The following SCGB3A1 variants were observed in gnomAD, a reference collection of about 807,000 sequenced individuals.
SCGB3A1 encodes secretoglobin family 3A member 1.
A neutral mutation model predicts 7.6 loss-of-function variants in SCGB3A1; 7 were observed. That is an observed-to-expected ratio of 0.93 (90% CI 0.53 to 1.74). The LOEUF is 1.74. Ranked by LOEUF, SCGB3A1 falls within the 40% of genes most tolerant of loss-of-function variation. The pLI is 0.00. For synonymous variants in SCGB3A1, 67 were observed against 66.6 expected (o/e 1.01, Z -0.03); for missense variants, 119 against 129.0 (o/e 0.92, Z 0.38).
chr5:180,590,311 G>T, intron 2 of SCGB3A1, 57 bp from the exon 3 acceptor site: 16 of 1,554,600 alleles, frequency 1.0e-5, no homozygotes, highest in Non-Finnish European at 1.4e-5. Context: ...GAACTCAGGC[G>T]GGGGCGCGGC....
At chr5:180,590,896 C>G in intron 1 of SCGB3A1, 58 bp from the exon 2 acceptor site, 1 of 1,300,902 alleles carries the variant, frequency 7.7e-7, no homozygotes, top group Non-Finnish European at 1.1e-6. Context: ...GAAGGCAGGT[C>G]CAGGACGCGC....
At chr5:180,591,173 G>C (rs1299608426) in intron 1 of SCGB3A1, 1 of 408,312 alleles carries the variant, frequency 2.4e-6, no homozygotes, top group African/African-American at 2.1e-5. Context: ...TCCAGACGGG[G>C]GGCAGACGGG....
Position 180,590,816 on chromosome 5 carries a change from C to A in SCGB3A1, c.75G>T (p.Ser25=), listed in dbSNP as rs757017012. The A allele has an allele frequency of 1.2e-6, 2 of 1,602,418 alleles. No homozygotes were observed. The highest frequency in any genetic ancestry group is 1.7e-6 in the Non-Finnish European group (2 of 1,175,002). The change falls in exon 2 of 3, where the codon TCG becomes TCT. Residue 25 remains serine, a synonymous_variant. Coordinates refer to ENST00000292641, the MANE Select transcript of SCGB3A1 (RefSeq NM_052863.3). ...CSSAAAFLVG[S]AKPVAQPVAA... ...CGACAGGCTGGGCCACAGGCTTGGC[C>A]GAGCCCACTAAGAAAGCAGCAGCTG...
chr5:180,591,155 A>T, intron 1 of SCGB3A1: 3 of 408,342 alleles, frequency 7.3e-6, no homozygotes, highest in Non-Finnish European at 8.5e-6. Context: ...CAGGATGAGG[A>T]GCCGGTCTCC....
At chr5:180,591,299 G>C (rs149953239) in intron 1 of SCGB3A1, 112 bp downstream of exon 1, 15,970 of 932,030 alleles carry the variant, frequency 0.017, 200 homozygotes, top group South Asian at 0.074. Flanking sequence ...TCTGGGCGCC[G>C]GGCGAGGCTG....
chr5:180,591,297 C>A, intron 1 of SCGB3A1, 114 bp downstream of exon 1: 1 of 920,086 alleles, frequency 1.1e-6, no homozygotes, highest in Non-Finnish European at 1.4e-6. Flanking sequence ...CCTCTGGGCG[C>A]CGGGCGAGGC....
chr5:180,591,469 G>C lies in SCGB3A1; in HGVS notation c.-7C>G, dbSNP rs1416049186. On this transcript the variant is annotated 5_prime_UTR_variant, in exon 1 of 3. Coordinates refer to ENST00000292641, the MANE Select transcript of SCGB3A1 (RefSeq NM_052863.3). ...GGAGGGCGGCGAGCTTCATGGCGCGGGGGCTCGGGGCGCGCGGGGAACCTG... is the reference window on the plus strand; with the variant it reads ...GGAGGGCGGCGAGCTTCATGGCGCGCGGGCTCGGGGCGCGCGGGGAACCTG... The C allele has an allele frequency of 8.1e-7, 1 of 1,228,312 alleles. No individual in the cohort carries two copies. Among genetic ancestry groups the C allele is most frequent in the Non-Finnish European group, 1.0e-6 (1 of 985,808 alleles). The allele number at this position is 1,228,312 out of a possible 1,614,324, so 76.1% of individuals were successfully genotyped here.
rs1403231443 is a variant in SCGB3A1, at chr5:180,590,514, T to A, written c.291+86A>T. On this transcript the variant is annotated intron_variant, in intron 2 of 2. Coordinates refer to ENST00000292641, the MANE Select transcript of SCGB3A1 (RefSeq NM_052863.3). ...GGCAGGACGGGAAACAGCCCTGACG[T>A]AGGGCCGGGACACCTCTGGTGCAGT... The A allele has an allele frequency of 8.0e-6, 9 of 1,130,576 alleles. No homozygotes were observed. In the Admixed American group the frequency reaches 1.6e-4, roughly 20 times the overall value. 70.0% of individuals were successfully genotyped at this position (1,130,576 alleles called of 1,614,324 possible). A position where few individuals can be genotyped will look rare whatever the true frequency, so the allele number is the denominator to read the frequency against.
chr5:180,591,133 C>T (rs1761307489), intron 1 of SCGB3A1: 2 of 421,438 alleles, frequency 4.7e-6, no homozygotes, highest in Non-Finnish European at 8.3e-6. Context: ...GGGACACTCG[C>T]GCTGCGCCTT....
At chr5:180,590,323 G>A in intron 2 of SCGB3A1, 69 bp from the exon 3 acceptor site, 1 of 1,546,878 alleles carries the variant, frequency 6.5e-7, no homozygotes, top group Non-Finnish European at 8.8e-7. Flanking sequence ...GGGCGCGGCA[G>A]CGGCCGGCTC....
At position 180,591,411 on chromosome 5, in the gene SCGB3A1, C is replaced by T. The variant is rs1761313627; in HGVS notation, c.52G>A (p.Ala18Thr). The part of the protein sequence containing the change: ...GLCVALSCSS[A>T]AAFLVGSAKP... ...CGCGCCAGGAGCCCGGGGCGCTCAC[C>T]GGAGCTGCAGGACAGGGCCACGCAG... is the stretch of plus-strand genomic sequence containing the variant. Residue 18 changes from alanine (A) to threonine (T), a missense_variant and splice_region_variant, in exon 1 of 3, where the codon GCT (alanine) becomes ACT (threonine). By Grantham distance (58) the Ala-to-Thr change is moderately conservative. Transcript: ENST00000292641. 1.6e-6 allele frequency: 2 copies of T among 1,226,350 alleles called. No individual in the cohort carries two copies. The highest frequency in any genetic ancestry group is 2.0e-6 in the Non-Finnish European group (2 of 984,494). 76.0% of individuals were successfully genotyped at this position (1,226,350 alleles called of 1,614,324 possible).
intron 2 of SCGB3A1, 96 bp from the exon 3 acceptor site, chr5:180,590,350 G>T (rs1404455608): frequency 3.3e-6 from 5 of 1,494,574 alleles, no homozygotes; most frequent in Non-Finnish European, 4.5e-6. Flanking sequence ...GAGCGGGAGC[G>T]GGGCGGTTCC....
rs773272977 is a variant in SCGB3A1, at chr5:180,590,772, G to A, written c.119C>T (p.Ala40Val). 3 of 1,590,654 alleles carry A rather than the reference G, an allele frequency of 1.9e-6. No individual in the cohort carries two copies. The highest frequency in any genetic ancestry group is 2.7e-5 in the African/African-American group (2 of 74,294). ...GGCCAGGGTCCCGGCCCCGGCCTCCGCCGCCGACTCCAGCGCAGCGACAGG... is the reference window on the plus strand; with the variant it reads ...GGCCAGGGTCCCGGCCCCGGCCTCCACCGCCGACTCCAGCGCAGCGACAGG... The part of the protein sequence containing the change: ...AQPVAALESA[A>V]EAGAGTLANP... Residue 40 changes from alanine (A) to valine (V), a missense_variant, in exon 2 of 3, where the codon GCG becomes GTG. Transcript: ENST00000292641.
intron 2 of SCGB3A1, 28 bp from the exon 3 acceptor site, chr5:180,590,282 C>A: frequency 6.4e-7 from 1 of 1,568,876 alleles, no homozygotes; most frequent in Admixed American, 1.9e-5. Context: ...AGCTTGAGTG[C>A]CCCCAGCCCT....
At position 180,590,799 on chromosome 5, in the gene SCGB3A1, T is replaced by C. The variant is rs373108626; in HGVS notation, c.92A>G (p.Gln31Arg). 152 of 1,602,738 alleles carry C rather than the reference T, an allele frequency of 9.5e-5. No individual in the cohort carries two copies. In the African/African-American group the frequency reaches 1.9e-3, roughly 20 times the overall value. Residue 31 changes from glutamine (Q) to arginine (R), a missense_variant, in exon 2 of 3, where the codon CAG (glutamine) becomes CGG (arginine). Gln to Arg is a conservative substitution (Grantham distance 43, BLOSUM62 1). Coordinates refer to ENST00000292641, the MANE Select transcript of SCGB3A1 (RefSeq NM_052863.3). ...FLVGSAKPVA[Q>R]PVAALESAAE... The stretch of plus-strand genomic sequence containing the variant: ...CGCCGACTCCAGCGCAGCGACAGGC[T>C]GGGCCACAGGCTTGGCCGAGCCCAC...
At chr5:180,591,210 TC>T (rs994671714) in intron 1 of SCGB3A1, 200 bp downstream of exon 1, 49 of 406,536 alleles carry the variant, frequency 1.2e-4, no homozygotes, top group Non-Finnish European at 1.5e-4. Flanking sequence ...GCGGCCTCCA[TC>T]CCGGCACGAG....
Position 180,590,144 on chromosome 5 carries a change from G to A in SCGB3A1, c.*87C>T, listed in dbSNP as rs981015487. Reference sequence around the variant, plus strand: ...TTTATTGAGAGGGGCCGGGGGAAGGGGATGGACGGTCCTCCCCGCGGCGGG... The same window carrying A: ...TTTATTGAGAGGGGCCGGGGGAAGGAGATGGACGGTCCTCCCCGCGGCGGG... On this transcript the variant is annotated 3_prime_UTR_variant, in exon 3 of 3. Transcript: ENST00000292641. 5.6e-6 allele frequency: 8 copies of A among 1,418,254 alleles called. No homozygotes were observed. The African/African-American group carries it at 9.9e-5, about 18-fold the overall frequency. 87.9% of individuals were successfully genotyped at this position (1,418,254 alleles called of 1,614,324 possible).
rs1021246451 is a variant in SCGB3A1 at position 180,590,757 on chromosome 5, C to T, written c.134G>A (p.Gly45Glu). 1 of 1,583,738 alleles carries T rather than the reference C, an allele frequency of 6.3e-7. No individual in the cohort carries two copies. The change falls in exon 2 of 3, where the codon GGG becomes GAG. Residue 45 changes from glycine to glutamate, a missense_variant. Transcript: ENST00000292641. ...ALESAAEAGA[G>E]TLANPLGTLN... ...GGTGCCGAGGGGGTTGGCCAGGGTC[C>T]CGGCCCCGGCCTCCGCCGCCGACTC...
At chr5:180,591,229 A>G in intron 1 of SCGB3A1, 182 bp downstream of exon 1, 1 of 428,034 alleles carries the variant, frequency 2.3e-6, no homozygotes, top group South Asian at 1.2e-4. Flanking sequence ...GAGGCTGGAG[A>G]CAGCCCTGAG....
Sources: gnomAD v4.1 joint callset for allele counts on GRCh38, gnomAD v4.1.1 for gene constraint, MANE v1.5 for transcripts, NCBI Gene and HGNC (gene_info 2026-07-23, HGNC 2026-07-21) for gene names.